The following KDM4C variants were observed in gnomAD, a reference collection of about 807,000 sequenced individuals.
KDM4C encodes lysine demethylase 4C, also known as lysine-specific demethylase 4C.
In KDM4C, 81 loss-of-function variants were observed where a neutral mutation model predicts 129.3. The observed-to-expected ratio is 0.63, with a 90% CI of 0.52 to 0.75. The LOEUF (loss-of-function observed/expected upper bound fraction) is 0.75. Ranked by LOEUF, KDM4C falls within the 30% of genes least tolerant of loss-of-function variation. The pLI is 0.00. For synonymous variants in KDM4C, 573 were observed against 456.1 expected (o/e 1.26, Z -3.26); for missense variants, 1,457 against 1,304.0 (o/e 1.12, Z -1.81).
At position 6,889,766 on chromosome 9, in the gene KDM4C, G is replaced by GGT. The variant is rs1292722608; in HGVS notation, c.783+1703_783+1704insGT. On this transcript the variant is annotated intron_variant, in intron 7 of 21. Transcript: ENST00000381309. The stretch of plus-strand genomic sequence containing the variant: ...TCTGTTCCTTTGGGGCTGGTGTTAG[G>GGT]TGTTGGTGGTAGCTTAAGGCTGATA... Among the ~76,000 whole-genome samples the GGT allele has an allele frequency of 2.0e-5, 3 of 152,344 alleles. No homozygotes were observed. In the East Asian group the frequency reaches 5.8e-4, roughly 29 times the overall value.
chr9:6,958,471 C>G (rs1328996507), intron 8 of KDM4C, among the ~76,000 whole-genome samples: 1 of 151,842 alleles, frequency 6.6e-6, no homozygotes, highest in Non-Finnish European at 1.5e-5. Flanking sequence ...CCTGTAATCT[C>G]AGCTACTTGG....
intron 1 of KDM4C, among the ~76,000 whole-genome samples, chr9:6,761,201 G>A (rs1819423425): frequency 6.6e-6 from 1 of 151,800 alleles, no homozygotes; most frequent in Admixed American, 6.6e-5. Flanking sequence ...TAGAGACAGG[G>A]TTTCACCATG....
At chr9:6,989,193 A>G (rs1369276260) in intron 11 of KDM4C, among the ~76,000 whole-genome samples, 1 of 152,108 alleles carries the variant, frequency 6.6e-6, no homozygotes, top group Non-Finnish European at 1.5e-5. Flanking sequence ...TCTTATTCCT[A>G]GCTTTGATTA....
At position 7,089,373 on chromosome 9, in the gene KDM4C, C is replaced by G. The variant is rs533456725; in HGVS notation, c.2425-14312C>G. 2.4e-3 allele frequency among the ~76,000 whole-genome samples: 360 copies of G among 152,216 alleles called. 1 individual carries two copies. The highest frequency in any genetic ancestry group is 7.9e-3 in the African/African-American group (330 of 41,528). On this transcript the variant is annotated intron_variant, in intron 17 of 21. Coordinates refer to ENST00000381309, the MANE Select transcript of KDM4C (RefSeq NM_015061.6). ...GCATTTTCATCTTTTGCAGCAGGATCGAGTTCTTCACAGTATTGACTCAGT... is the reference window on the plus strand; with the variant it reads ...GCATTTTCATCTTTTGCAGCAGGATGGAGTTCTTCACAGTATTGACTCAGT...
chr9:7,174,056 T>C (rs1299622058), intron 21 of KDM4C, among the ~76,000 whole-genome samples: 2 of 152,096 alleles, frequency 1.3e-5, no homozygotes, highest in Non-Finnish European at 2.9e-5. Context: ...GTTTACAAAA[T>C]GACAGAGAAG....
chr9:6,964,294 G>A (rs1230023925), intron 8 of KDM4C, among the ~76,000 whole-genome samples: 1 of 150,050 alleles, frequency 6.7e-6, no homozygotes, highest in East Asian at 2.0e-4. Context: ...CTGTGTCCAA[G>A]CGTTCTCATT....
At chr9:7,102,774 C>G (rs1429304545) in intron 17 of KDM4C, among the ~76,000 whole-genome samples, 1 of 152,102 alleles carries the variant, frequency 6.6e-6, no homozygotes, top group Admixed American at 6.5e-5. Flanking sequence ...ATTTCAGATC[C>G]TTTTTACTCT....
intron 17 of KDM4C, among the ~76,000 whole-genome samples, chr9:7,068,031 C>T (rs1337975193): frequency 1.3e-5 from 2 of 152,096 alleles, no homozygotes; most frequent in African/African-American, 4.8e-5. Flanking sequence ...CTCCTGACCT[C>T]GTGATCCACC....
At chr9:6,841,347 G>T (rs1836872616) in intron 4 of KDM4C, among the ~76,000 whole-genome samples, 4 of 152,148 alleles carry the variant, frequency 2.6e-5, no homozygotes, top group Admixed American at 2.6e-4. Flanking sequence ...AGCAGGAAAT[G>T]GGAAGGATGT....
At chr9:6,998,974 T>G (rs1375531170) in intron 12 of KDM4C, among the ~76,000 whole-genome samples, 1 of 152,240 alleles carries the variant, frequency 6.6e-6, no homozygotes, top group Non-Finnish European at 1.5e-5. Context: ...CGTGGTATTT[T>G]CTGAGTACTT....
At chr9:6,820,495 A>T (rs922038069) in intron 4 of KDM4C, among the ~76,000 whole-genome samples, 4 of 152,144 alleles carry the variant, frequency 2.6e-5, no homozygotes, top group Non-Finnish European at 5.9e-5. Flanking sequence ...CAGCAGCCCC[A>T]CCTGCTTTGT....
At chr9:6,932,133 A>C (rs1823863722) in intron 8 of KDM4C, among the ~76,000 whole-genome samples, 1 of 152,166 alleles carries the variant, frequency 6.6e-6, no homozygotes, top group South Asian at 2.1e-4. Flanking sequence ...GATGATTAGA[A>C]TGTCATCAGG....
chr9:7,170,466 G>T lies in KDM4C; in HGVS notation c.2994+576G>T, dbSNP rs1041822882. On this transcript the variant is annotated intron_variant, in intron 21 of 21. Transcript: ENST00000381309. ...GCAGTTTTTTAAAAAGGAAATAGTAGTTTCATGCCCTCACATACCATTAAA... is the reference window on the plus strand; with the variant it reads ...GCAGTTTTTTAAAAAGGAAATAGTATTTTCATGCCCTCACATACCATTAAA... 12 of 985,226 alleles carry T rather than the reference G, an allele frequency of 1.2e-5. No individual in the cohort carries two copies. The African/African-American group carries it at 2.1e-4, about 17-fold the overall frequency. 61.0% of individuals were successfully genotyped at this position (985,226 alleles called of 1,614,324 possible). A position where few individuals can be genotyped will look rare whatever the true frequency, so the allele number is the denominator to read the frequency against.
chr9:6,981,752 C>T (rs1589440070), intron 9 of KDM4C: 1 of 184,200 alleles, frequency 5.4e-6, no homozygotes, highest in South Asian at 1.3e-4. Context: ...TGGTGTTGCT[C>T]AGGTCCTTAG....
intron 1 of KDM4C, among the ~76,000 whole-genome samples, chr9:6,740,258 C>T (rs1171193646): frequency 6.6e-6 from 1 of 151,890 alleles, no homozygotes; most frequent in Non-Finnish European, 1.5e-5. Flanking sequence ...GGCTGGAGTG[C>T]AGTGATGCAA....
At chr9:6,907,178 T>C (rs1354521098) in intron 8 of KDM4C, among the ~76,000 whole-genome samples, 1 of 152,224 alleles carries the variant, frequency 6.6e-6, no homozygotes, top group Admixed American at 6.5e-5. Context: ...TATTGTTATG[T>C]GACAAAGAGT....
At chr9:6,834,836 A>C in intron 4 of KDM4C, 1 of 1,381,990 alleles carries the variant, frequency 7.2e-7, no homozygotes, top group South Asian at 1.2e-5. Context: ...TGAGACCTTC[A>C]TCACCCCAGC....
chr9:6,721,532 T>A (rs2130169034), intron 1 of KDM4C, among the ~76,000 whole-genome samples: 1 of 151,100 alleles, frequency 6.6e-6, no homozygotes, highest in East Asian at 2.0e-4. Context: ...GACCTACCCG[T>A]CTCGGCCTCC....
chr9:7,145,411 G>A (rs1842128035), intron 19 of KDM4C, among the ~76,000 whole-genome samples: 1 of 152,166 alleles, frequency 6.6e-6, no homozygotes. Context: ...CAGGGGTGCT[G>A]CGTAGGTGAG....
Sources: gnomAD v4.1 joint callset for allele counts (sites outside exome capture counted in the v4.1 genomes callset) on GRCh38, gnomAD v4.1.1 for gene constraint, MANE v1.5 for transcripts, NCBI Gene and HGNC (gene_info 2026-07-23, HGNC 2026-07-21) for gene names.